Variants in LINGO2 observed in about 807,000 individuals in gnomAD.
LINGO2 encodes the protein leucine-rich repeat and immunoglobulin-like domain-containing nogo receptor-interacting protein 2.
LINGO2 carries 14 observed loss-of-function variants against 30.6 expected under a neutral mutation model. That is an observed-to-expected ratio of 0.46 (90% CI 0.30 to 0.72). The LOEUF is 0.72. LINGO2 is among the 30% of genes least tolerant of loss of function. LINGO2 has a pLI of 0.07. For synonymous variants in LINGO2, 317 were observed against 288.5 expected (o/e 1.10, Z -1.00); for missense variants, 729 against 751.7 (o/e 0.97, Z 0.35).
At chr9:28,482,484 T>C (rs925671861) in intron 1 of LINGO2, among the ~76,000 whole-genome samples, 6 of 152,112 alleles carry the variant, frequency 3.9e-5, no homozygotes, top group Non-Finnish European at 7.4e-5. Flanking sequence ...TGTTTTTTTC[T>C]TGTAAATTTG....
At chr9:28,562,465 A>AAG (rs1362335811) in intron 1 of LINGO2, among the ~76,000 whole-genome samples, 1 of 150,670 alleles carries the variant, frequency 6.6e-6, no homozygotes, top group African/African-American at 2.4e-5. Context: ...TTCAAAAAAA[A>AAG]AAAAAAAAAA....
At chr9:28,189,295 G>A (rs1587176190) in intron 4 of LINGO2, among the ~76,000 whole-genome samples, 1 of 55,788 alleles carries the variant, frequency 1.8e-5, no homozygotes, top group Non-Finnish European at 4.5e-5. Context: ...GAGGGAGGAA[G>A]GAAGGAAGGG....
At chr9:28,457,289 A>G (rs1427119268) in intron 2 of LINGO2, among the ~76,000 whole-genome samples, 1 of 152,222 alleles carries the variant, frequency 6.6e-6, no homozygotes, top group Non-Finnish European at 1.5e-5. Flanking sequence ...AAAATAAAAG[A>G]AAGCCTTTCA....
chr9:28,594,596 T>C (rs1281260160), intron 1 of LINGO2, among the ~76,000 whole-genome samples: 1 of 152,214 alleles, frequency 6.6e-6, no homozygotes, highest in East Asian at 1.9e-4. Flanking sequence ...TGAAGTCTTG[T>C]TTACAATATA....
At chr9:28,516,145 T>G (rs1439510822) in intron 1 of LINGO2, among the ~76,000 whole-genome samples, 1 of 152,236 alleles carries the variant, frequency 6.6e-6, no homozygotes, top group Non-Finnish European at 1.5e-5. Flanking sequence ...TATGTTATAC[T>G]ATAAACATAA....
intron 1 of LINGO2, among the ~76,000 whole-genome samples, chr9:28,589,652 G>C (rs1464665951): frequency 2.6e-5 from 4 of 151,960 alleles, no homozygotes; most frequent in Non-Finnish European, 5.9e-5. Flanking sequence ...AAATAAAAGA[G>C]GATACAAACA....
the LINGO2 span, among the ~76,000 whole-genome samples, chr9:29,060,387 A>G: frequency 6.6e-6 from 1 of 152,072 alleles, no homozygotes; most frequent in African/African-American, 2.4e-5. Context: ...CAGAAGCAAA[A>G]CAGAAATTGT....
chr9:28,594,522 C>T (rs192491320), intron 1 of LINGO2, among the ~76,000 whole-genome samples: 1 of 152,216 alleles, frequency 6.6e-6, no homozygotes, highest in East Asian at 1.9e-4. Flanking sequence ...TACGCTTGCA[C>T]TTGCCTTCTT....
At chr9:28,454,921 A>C (rs1824787613) in intron 2 of LINGO2, among the ~76,000 whole-genome samples, 2 of 152,080 alleles carry the variant, frequency 1.3e-5, no homozygotes. Flanking sequence ...CTAGAACATA[A>C]TGTGATACAT....
chr9:28,029,438 G>A (rs987304283), intron 4 of LINGO2, among the ~76,000 whole-genome samples: 2 of 152,158 alleles, frequency 1.3e-5, no homozygotes, highest in Non-Finnish European at 2.9e-5. Context: ...AAAGGAGAAC[G>A]AAGATGCAAG....
At chr9:29,061,316 T>C in the LINGO2 span, among the ~76,000 whole-genome samples, 142 of 151,946 alleles carry the variant, frequency 9.3e-4, no homozygotes, top group African/African-American at 3.2e-3. Context: ...AATCCCAACG[T>C]TTTCTGCAGA....
At chr9:28,495,387 T>A (rs1203916914) in intron 1 of LINGO2, among the ~76,000 whole-genome samples, 1 of 152,238 alleles carries the variant, frequency 6.6e-6, no homozygotes, top group East Asian at 1.9e-4. Context: ...TTGAATTAAC[T>A]TTCGTATAAG....
intron 5 of LINGO2, among the ~76,000 whole-genome samples, chr9:27,991,030 A>G (rs1821372777): frequency 6.6e-6 from 1 of 152,056 alleles, no homozygotes; most frequent in Admixed American, 6.6e-5. Flanking sequence ...TGGGCAGGAC[A>G]GGGCCAGCAC....
the LINGO2 span, among the ~76,000 whole-genome samples, chr9:29,195,316 TAAAG>T: frequency 6.6e-6 from 1 of 151,724 alleles, no homozygotes; most frequent in Admixed American, 6.6e-5. Flanking sequence ...TTTGTTATCA[TAAAG>T]AAATCTGTAA....
chr9:28,752,542 A>C, the LINGO2 span, among the ~76,000 whole-genome samples: 1 of 152,066 alleles, frequency 6.6e-6, no homozygotes, highest in African/African-American at 2.4e-5. Flanking sequence ...CACAGAAGAA[A>C]TTTGGTATCA....
the LINGO2 span, among the ~76,000 whole-genome samples, chr9:28,690,449 T>G: frequency 3.3e-3 from 503 of 152,280 alleles, 5 homozygotes; most frequent in African/African-American, 0.011. Flanking sequence ...ACAATGTATA[T>G]AAGATAAGAT....
chr9:28,701,485 G>T, the LINGO2 span, among the ~76,000 whole-genome samples: 1 of 151,828 alleles, frequency 6.6e-6, no homozygotes, highest in Non-Finnish European at 1.5e-5. Flanking sequence ...AACTATTTCT[G>T]TGCTCTCTAT....
intron 1 of LINGO2, among the ~76,000 whole-genome samples, chr9:28,483,170 CAG>C (rs1330669081): frequency 6.6e-6 from 1 of 152,084 alleles, no homozygotes; most frequent in Non-Finnish European, 1.5e-5. Flanking sequence ...TGTTAGCATT[CAG>C]ATTGTTTCTC....
the LINGO2 span, among the ~76,000 whole-genome samples, chr9:28,983,707 A>G: frequency 6.6e-6 from 1 of 152,080 alleles, no homozygotes; most frequent in East Asian, 1.9e-4. Flanking sequence ...TAACGATTGC[A>G]TCCATACAGT....
Sources: gnomAD v4.1 joint callset for allele counts (sites outside exome capture counted in the v4.1 genomes callset) on GRCh38, gnomAD v4.1.1 for gene constraint, MANE v1.5 for transcripts, NCBI Gene and HGNC (gene_info 2026-07-23, HGNC 2026-07-21) for gene names.